Variants in ABCA5 observed in about 807,000 individuals in gnomAD.
The protein encoded by ABCA5 is ATP binding cassette subfamily A member 5, also known as cholesterol transporter ABCA5.
A neutral mutation model predicts 206.0 loss-of-function variants in ABCA5; 163 were observed. The observed-to-expected ratio is 0.79, with a 90% CI of 0.70 to 0.90. The LOEUF is 0.90. ABCA5 is among the 40% of genes least tolerant of loss of function. The probability of loss-of-function intolerance (pLI) is 0.00; values close to 1 mark genes in which losing one functional copy is unlikely to be tolerated. For missense variants in ABCA5, 1,859 were observed against 1,912.9 expected, an observed-to-expected ratio of 0.97 and a Z score of 0.53; for synonymous variants, 609 against 613.8, an observed-to-expected ratio of 0.99 and a Z score of 0.11.
chr17:69,249,186 A>G (rs2074984954), intron 37 of ABCA5: 3 of 152,342 alleles, frequency 2.0e-5, no homozygotes, highest in South Asian at 2.1e-4. Context: ...TCACATAAAG[A>G]ACAATCATAA....
At chr17:69,254,726 G>A (rs973302698) in intron 31 of ABCA5, among the ~76,000 whole-genome samples, 1 of 151,902 alleles carries the variant, frequency 6.6e-6, no homozygotes, top group Non-Finnish European at 1.5e-5. Context: ...GTCTCACTAC[G>A]TTGCCCAGGC....
intron 34 of ABCA5, among the ~76,000 whole-genome samples, chr17:69,252,693 C>T (rs1020625828): frequency 6.6e-6 from 1 of 151,830 alleles, no homozygotes; most frequent in East Asian, 1.9e-4. Flanking sequence ...AAAAATTAGC[C>T]GGGCTTGGTG....
rs370293228 is a variant in ABCA5 at position 69,255,650 on chromosome 17, G to GA, written c.3977-17dup. The stretch of plus-strand genomic sequence containing the variant: ...AAGATCTCTCCTAAAGGAATTGAAA[G>GA]AAAAAAAAATCATAATCAAATCATA... On this transcript the variant is annotated splice_polypyrimidine_tract_variant and intron_variant, in intron 30 of 38. Transcript: ENST00000392676. 505 of 1,559,926 alleles carry GA rather than the reference G, an allele frequency of 3.2e-4. No homozygotes were observed. The highest frequency in any genetic ancestry group is 3.0e-3 in the African/African-American group (215 of 71,326).
Position 69,302,844 on chromosome 17 carries a change from T to C in ABCA5, c.993A>G (p.Glu331=). ...ATCCAAAAGCCACAGTAACAAAAAA[T>C]TCAACTATTCCCACATGTTTTGATT... ...FKKSKHVGIV[E]FFVTVAFGFI... Residue 331 remains glutamate, a synonymous_variant, in exon 8 of 39, where the codon GAA becomes GAG. Coordinates refer to ENST00000392676, the MANE Select transcript of ABCA5 (RefSeq NM_172232.4). The C allele has an allele frequency of 6.3e-7, 1 of 1,591,852 alleles. No homozygotes were observed. The highest frequency in any genetic ancestry group is 8.5e-7 in the Non-Finnish European group (1 of 1,173,774).
In ABCA5 at chr17:69,286,048, C is replaced by T. The variant is rs777810815; in HGVS notation, c.2133-11G>A. ...TTGTCTATGTACATGCTAGAGAATA[C>T]CAAAAATCACAATTAATGATTATAC... On this transcript the variant is annotated splice_polypyrimidine_tract_variant and intron_variant, in intron 16 of 38. Transcript: ENST00000392676. The T allele has an allele frequency of 3.8e-6, 6 of 1,594,782 alleles. No individual in the cohort carries two copies. In the South Asian group the frequency reaches 5.7e-5, roughly 15 times the overall value.
At chr17:69,308,067 T>C (rs529680706) in intron 5 of ABCA5, among the ~76,000 whole-genome samples, 1 of 152,212 alleles carries the variant, frequency 6.6e-6, no homozygotes, top group African/African-American at 2.4e-5. Flanking sequence ...TAAAAATAAA[T>C]TTCATGGCCA....
rs1172207820 is a variant in ABCA5 at position 69,245,185 on chromosome 17, A to C, written c.*2352T>G. 6.6e-6 allele frequency: 1 copy of C among 151,874 alleles called. No homozygotes were observed. Among genetic ancestry groups the C allele is most frequent in the Non-Finnish European group, 1.5e-5 (1 of 67,812 alleles). The allele number at this position is 151,874 out of a possible 1,614,324, so 9.4% of individuals were successfully genotyped here. A position where few individuals can be genotyped will look rare whatever the true frequency, so the allele number is the denominator to read the frequency against. ...GTCTTTACTGAAAACAAACTAGAAAAAAAAATTAAGAGCCCACAAAAGTAA... is the reference window on the plus strand; with the variant it reads ...GTCTTTACTGAAAACAAACTAGAAACAAAAATTAAGAGCCCACAAAAGTAA... On this transcript the variant is annotated 3_prime_UTR_variant, in exon 39 of 39. Transcript: ENST00000392676.
At position 69,262,745 on chromosome 17, in the gene ABCA5, C is replaced by T. The variant is rs555425574; in HGVS notation, c.3316-997G>A. Among the ~76,000 whole-genome samples, 10 of 151,972 alleles carry T rather than the reference C, an allele frequency of 6.6e-5. No individual in the cohort carries two copies. In the East Asian group the frequency reaches 1.7e-3, roughly 26 times the overall value. On this transcript the variant is annotated intron_variant, in intron 24 of 38. Transcript: ENST00000392676. The stretch of plus-strand genomic sequence containing the variant: ...ATTTATTTTCTTTTGGATATATACC[C>T]AGTAATGGGGTTTCTGAGTTATAAG...
intron 23 of ABCA5, among the ~76,000 whole-genome samples, chr17:69,265,670 A>G (rs1354060946): frequency 6.6e-6 from 1 of 152,166 alleles, no homozygotes; most frequent in East Asian, 1.9e-4. Flanking sequence ...AAATATAAAG[A>G]TTAGTTAAGA....
intron 19 of ABCA5, among the ~76,000 whole-genome samples, chr17:69,275,178 A>G (rs1238509710): frequency 6.6e-6 from 1 of 152,120 alleles, no homozygotes; most frequent in East Asian, 1.9e-4. Flanking sequence ...AAAATATTTT[A>G]GATATAGAGA....
rs752986364 is a variant in ABCA5, at chr17:69,284,039, A to C, written c.2306T>G (p.Leu769Trp). ...LFSALDSHSN[L>W]GVISYGVSMT... ...GGAAACACCATAAGAAATGACACCC[A>C]AATTTGAATGACTGTCTAGGGCAGA... The change falls in exon 18 of 39, where the codon TTG becomes TGG. Residue 769 changes from leucine to tryptophan, a missense_variant. By Grantham distance (61) the Leu-to-Trp change is moderately conservative (BLOSUM62 -2). Transcript: ENST00000392676. 2 of 1,606,692 alleles carry C rather than the reference A, an allele frequency of 1.2e-6. No individual in the cohort carries two copies. Among genetic ancestry groups the C allele is most frequent in the South Asian group, 1.1e-5 (1 of 89,380 alleles).
chr17:69,270,220 C>T (rs1337268891), intron 22 of ABCA5, among the ~76,000 whole-genome samples: 1 of 151,984 alleles, frequency 6.6e-6, no homozygotes, highest in African/African-American at 2.4e-5. Flanking sequence ...TTTCTGTAAT[C>T]TTGATTCTGA....
At chr17:69,298,298 G>A (rs1198459544) in intron 9 of ABCA5, among the ~76,000 whole-genome samples, 1 of 92,802 alleles carries the variant, frequency 1.1e-5, no homozygotes, top group Non-Finnish European at 2.5e-5. Flanking sequence ...GGAGGGGAAA[G>A]AGAAAGAAAG....
intron 18 of ABCA5, 57 bp from the exon 19 acceptor site, chr17:69,277,899 T>C: frequency 7.5e-7 from 1 of 1,337,846 alleles, no homozygotes; most frequent in African/African-American, 1.5e-5. Flanking sequence ...GATACAAACT[T>C]TCTGAAGCAG....
intron 35 of ABCA5, 173 bp downstream of exon 35, chr17:69,251,574 G>T: frequency 1.3e-6 from 1 of 746,628 alleles, no homozygotes; most frequent in Non-Finnish European, 2.0e-6. Flanking sequence ...AAAGTAGACA[G>T]CCATATTTTT....
rs1330616634 is a variant in ABCA5 at position 69,253,840 on chromosome 17, T to C, written c.4274A>G (p.His1425Arg). The change falls in exon 33 of 39, where the codon CAT (histidine) becomes CGT (arginine). Residue 1425 changes from histidine to arginine, a missense_variant. Coordinates refer to ENST00000392676, the MANE Select transcript of ABCA5 (RefSeq NM_172232.4). ...RITHALDLKE[H>R]LQKTVKKLPA... is the part of the protein sequence containing the mutation. ...TAGTTTCTTTACAGTCTTCTGAAGA[T>C]GTTCTTTTAAATCAAGTGCATGTGT... 6.2e-7 allele frequency: 1 copy of C among 1,612,650 alleles called. No individual in the cohort carries two copies. Among genetic ancestry groups the C allele is most frequent in the Non-Finnish European group, 8.5e-7 (1 of 1,179,610 alleles).
chr17:69,272,857 C>A (rs1278239768), intron 20 of ABCA5, among the ~76,000 whole-genome samples: 6 of 152,128 alleles, frequency 3.9e-5, no homozygotes, highest in African/African-American at 1.2e-4. Flanking sequence ...TATAATCATT[C>A]CTAGCCATGC....
At position 69,309,322 on chromosome 17, in the gene ABCA5, A is replaced by G; in HGVS notation, c.409T>C (p.Tyr137His). 6.2e-7 allele frequency: 1 copy of G among 1,603,502 alleles called. No individual in the cohort carries two copies. The highest frequency in any genetic ancestry group is 1.1e-5 in the South Asian group (1 of 88,834). ...ATATCAGGAAAAAAACGAAGTTCAT[A>G]GGACATGGAGTCTTTGAAAACCACA... ...VGVVFKDSMS[Y>H]ELRFFPDMIP... Residue 137 changes from tyrosine (Y) to histidine (H), a missense_variant, in exon 4 of 39, where the codon TAT (tyrosine) becomes CAT (histidine). Transcript: ENST00000392676.
chr17:69,260,560 C>G, intron 26 of ABCA5, 148 bp from the exon 27 acceptor site: 1 of 579,166 alleles, frequency 1.7e-6, no homozygotes, highest in Non-Finnish European at 3.0e-6. Context: ...TACTTAAAAT[C>G]TTCCCTGTCC....
Sources: allele counts gnomAD v4.1 joint callset (sites outside exome capture counted in the v4.1 genomes callset), GRCh38; gene constraint gnomAD v4.1.1; transcripts MANE v1.5; gene names NCBI Gene and HGNC (gene_info 2026-07-23, HGNC 2026-07-21).